The following OC90 variants were observed in gnomAD, a reference collection of about 807,000 sequenced individuals.
The protein encoded by OC90 is otoconin 90.
OC90 carries 46 observed loss-of-function variants against 47.3 expected under a neutral mutation model. The ratio of observed to expected loss-of-function variants is 0.97; its 90% CI spans 0.77 to 1.24. OC90 has a LOEUF of 1.24. Ranked by LOEUF, OC90 falls within the 50% of genes most tolerant of loss-of-function variation. The pLI is 0.00. For missense variants in OC90, 688 were observed against 583.9 expected (o/e 1.18, Z -1.84); for synonymous variants, 271 against 219.5 (o/e 1.23, Z -2.07).
At chr8:132,041,012 C>T in intron 6 of OC90, 32 bp downstream of exon 6, 1 of 1,338,316 alleles carries the variant, frequency 7.5e-7, no homozygotes, top group Non-Finnish European at 1.1e-6. Flanking sequence ...CATTTCTGGG[C>T]CCAGGCCCCT....
At chr8:132,026,159 A>G (rs527908398) in intron 13 of OC90, among the ~76,000 whole-genome samples, 4 of 152,174 alleles carry the variant, frequency 2.6e-5, no homozygotes, top group African/African-American at 9.6e-5. Flanking sequence ...AACCAACCCT[A>G]TTTTTTTCAA....
intron 2 of OC90, among the ~76,000 whole-genome samples, chr8:132,053,727 A>G (rs1187104943): frequency 2.6e-5 from 4 of 152,192 alleles, no homozygotes; most frequent in Non-Finnish European, 5.9e-5. Flanking sequence ...CTGCAGCATG[A>G]GCTTCAGTGC....
intron 8 of OC90, among the ~76,000 whole-genome samples, chr8:132,038,150 G>T (rs1822996573): frequency 6.6e-6 from 1 of 152,178 alleles, no homozygotes; most frequent in African/African-American, 2.4e-5. Flanking sequence ...GGTGAACAAG[G>T]AGTGGCAGGC....
intron 6 of OC90, 23 bp from the exon 7 acceptor site, chr8:132,039,146 C>T (rs1288739590): frequency 6.3e-7 from 1 of 1,580,452 alleles, no homozygotes; most frequent in Non-Finnish European, 8.6e-7. Flanking sequence ...AGAGCATAGC[C>T]AATTGGAAAG....
Position 132,024,557 on chromosome 8 carries a change from T to G in OC90, c.1358A>C (p.Glu453Ala). The change falls in exon 14 of 14, where the codon GAG becomes GCG. Residue 453 changes from glutamate to alanine, a missense_variant. By Grantham distance (107) the Glu-to-Ala change is moderately radical (BLOSUM62 -1). Coordinates refer to ENST00000254627, the MANE Select transcript of OC90 (RefSeq NM_001080399.3). ...AAACCTCTTGGCTCTGCCGAGGTCC[T>G]CCTGTGGAGGGTCCTCCTCGCTGTC... ...EEDSEEDPPQ[E>A]DLGRAKRFLR... The G allele has an allele frequency of 6.2e-7, 1 of 1,610,660 alleles. No individual in the cohort carries two copies. Among genetic ancestry groups the G allele is most frequent in the Non-Finnish European group, 8.5e-7 (1 of 1,177,494 alleles).
At chr8:132,035,183 C>T (rs114945430) in intron 9 of OC90, among the ~76,000 whole-genome samples, 77 of 152,334 alleles carry the variant, frequency 5.1e-4, no homozygotes, top group African/African-American at 1.9e-3. Flanking sequence ...AGCACAGAGA[C>T]AGCAGAATTG....
At chr8:132,025,827 C>T (rs759275478) in intron 13 of OC90, among the ~76,000 whole-genome samples, 4 of 152,176 alleles carry the variant, frequency 2.6e-5, no homozygotes, top group Non-Finnish European at 5.9e-5. Context: ...GATTTGCTGC[C>T]AGTAGCACTG....
At chr8:132,038,366 G>A (rs1352636207) in intron 8 of OC90, among the ~76,000 whole-genome samples, 3 of 152,160 alleles carry the variant, frequency 2.0e-5, no homozygotes, top group Non-Finnish European at 4.4e-5. Flanking sequence ...GGGGAGGAAG[G>A]GAGAGGAGGA....
Position 132,029,126 on chromosome 8 carries a change from A to G in OC90, c.1085T>C (p.Leu362Pro). 1 of 1,613,984 alleles carries G rather than the reference A, an allele frequency of 6.2e-7. No individual in the cohort carries two copies. Among genetic ancestry groups the G allele is most frequent in the Admixed American group, 1.7e-5 (1 of 60,020 alleles). Residue 362 changes from leucine (L) to proline (P), a missense_variant, in exon 13 of 14, where the codon CTG (leucine) becomes CCG (proline). Transcript: ENST00000254627. ...CLEQVRRLGC[L>P]LERLPWSPVV... ...CGGTGACCAAGGAAGCCTCTCAAGC[A>G]GGCAGCCCAGCCTTCTCACTTGCTC...
intron 4 of OC90, among the ~76,000 whole-genome samples, chr8:132,043,398 T>G (rs1823082555): frequency 6.6e-6 from 1 of 152,248 alleles, no homozygotes; most frequent in African/African-American, 2.4e-5. Flanking sequence ...AACACATGCC[T>G]AAGGCATCAA....
chr8:132,027,683 G>T (rs1320186006), intron 13 of OC90, among the ~76,000 whole-genome samples: 1 of 152,214 alleles, frequency 6.6e-6, no homozygotes, highest in East Asian at 1.9e-4. Flanking sequence ...CATGGGGATT[G>T]CAGTTTTCAG....
intron 13 of OC90, among the ~76,000 whole-genome samples, chr8:132,028,593 A>AGGAAGGAAGGAAGGAAGGAAGGAAGGAG (rs1563727447): frequency 8.4e-5 from 3 of 35,726 alleles, no homozygotes; most frequent in East Asian, 1.4e-3. Flanking sequence ...GAAGGAAGGA[A>AGGAAGGAAGGAAGGAAGGAAGGAAGGAG]GGAAGGAGGG....
At chr8:132,044,538 T>C (rs1823104327) in intron 3 of OC90, 49 bp from the exon 4 acceptor site, 3 of 1,042,914 alleles carry the variant, frequency 2.9e-6, no homozygotes, top group Non-Finnish European at 4.4e-6. Context: ...TTCCTTTTTT[T>C]CACTTCCCTG....
At chr8:132,057,443 A>G (rs1823291746) in intron 1 of OC90, among the ~76,000 whole-genome samples, 1 of 152,252 alleles carries the variant, frequency 6.6e-6, no homozygotes, top group African/African-American at 2.4e-5. Context: ...TGACTTTATT[A>G]GAGACATAAT....
At chr8:132,030,145 T>C (rs938695062) in intron 12 of OC90, among the ~76,000 whole-genome samples, 1 of 152,228 alleles carries the variant, frequency 6.6e-6, no homozygotes. Context: ...CTTGTGTGTG[T>C]ATTTGGCAGG....
intron 9 of OC90, 131 bp from the exon 10 acceptor site, chr8:132,034,965 A>C: frequency 1.6e-6 from 1 of 631,736 alleles, no homozygotes; most frequent in Non-Finnish European, 2.8e-6. Context: ...CCCACTTCCC[A>C]CCATGAGATT....
chr8:132,028,651 GAAGAAAGA>G (rs71306365), intron 13 of OC90, among the ~76,000 whole-genome samples: 2 of 122,138 alleles, frequency 1.6e-5, no homozygotes, highest in African/African-American at 6.8e-5. Flanking sequence ...AGGAAGGAAG[GAAGAAAGA>G]AAGAAAGAGA....
intron 4 of OC90, among the ~76,000 whole-genome samples, chr8:132,044,043 G>T (rs1220454861): frequency 2.6e-5 from 4 of 152,166 alleles, no homozygotes; most frequent in African/African-American, 9.7e-5. Flanking sequence ...ACTAGTGAGG[G>T]AAGAAAAATA....
chr8:132,034,701 C>T lies in OC90; in HGVS notation c.733+80G>A. ...GTCATGGTGCATTTCATTTGGAACC[C>T]AGTTGATATCATAAATGTGTCAAGG... On this transcript the variant is annotated intron_variant, in intron 10 of 13. Coordinates refer to ENST00000254627, the MANE Select transcript of OC90 (RefSeq NM_001080399.3). 4.2e-6 allele frequency: 4 copies of T among 962,098 alleles called. No homozygotes were observed. In the South Asian group the frequency reaches 6.1e-5, roughly 15 times the overall value. 59.6% of individuals were successfully genotyped at this position (962,098 alleles called of 1,614,324 possible). A position where few individuals can be genotyped will look rare whatever the true frequency, so the allele number is the denominator to read the frequency against.
Sources: allele counts gnomAD v4.1 joint callset (sites outside exome capture counted in the v4.1 genomes callset), GRCh38; gene constraint gnomAD v4.1.1; transcripts MANE v1.5; gene names NCBI Gene and HGNC (gene_info 2026-07-23, HGNC 2026-07-21).